Variants in SLC9C1 observed in about 807,000 individuals in gnomAD.
SLC9C1 encodes sodium/hydrogen exchanger 10.
SLC9C1 carries 97 observed loss-of-function variants against 140.9 expected under a neutral mutation model. The observed-to-expected ratio is 0.69, with a 90% CI of 0.58 to 0.82. The LOEUF is 0.82. SLC9C1 is among the 40% of genes least tolerant of loss of function. The pLI is 0.00. For synonymous variants in SLC9C1, 440 were observed against 442.6 expected (o/e 0.99, Z 0.07); for missense variants, 1,340 against 1,389.3 (o/e 0.96, Z 0.56).
rs139685362 is a variant in SLC9C1 at position 112,251,420 on chromosome 3, G to C, written c.1198-7344C>G. Among the ~76,000 whole-genome samples, 153 of 152,178 alleles carry C rather than the reference G, an allele frequency of 1.0e-3. 3 individuals are homozygous for C. In the East Asian group the frequency reaches 0.013, roughly 13 times the overall value. On this transcript the variant is annotated intron_variant, in intron 10 of 28. Coordinates refer to ENST00000305815, the MANE Select transcript of SLC9C1 (RefSeq NM_183061.3). ...ATCAAGGCCTTCAGTCTAACATGGA[G>C]TCTTAGCAGAGCAGCCATCCAAGCA... is the stretch of plus-strand genomic sequence containing the variant.
chr3:112,269,933 T>C lies in SLC9C1; in HGVS notation c.758A>G (p.Tyr253Cys), dbSNP rs984748347. The stretch of plus-strand genomic sequence containing the variant: ...TCACTTACAAATATAAAAGATGAGA[T>C]ACAGAATTGAAAAGATGAGACTTAT... ...NHISLIFSILYLIFYICELVG... is the reference protein window; with the variant it reads ...NHISLIFSILCLIFYICELVG... Residue 253 changes from tyrosine to cysteine, a missense_variant, in exon 7 of 29, where the codon TAT becomes TGT. Coordinates refer to ENST00000305815, the MANE Select transcript of SLC9C1 (RefSeq NM_183061.3). 6.4e-7 allele frequency: 1 copy of C among 1,560,082 alleles called. No homozygotes were observed.
chr3:112,219,370 A>C (rs1027420447), intron 14 of SLC9C1, among the ~76,000 whole-genome samples: 2 of 152,212 alleles, frequency 1.3e-5, no homozygotes, highest in Non-Finnish European at 2.9e-5. Flanking sequence ...CCATTTTGCT[A>C]ATATTAATAT....
intron 28 of SLC9C1, among the ~76,000 whole-genome samples, chr3:112,149,231 G>T (rs937951836): frequency 1.3e-5 from 2 of 151,960 alleles, no homozygotes; most frequent in Middle Eastern, 3.4e-3. Context: ...AGATCTGCCT[G>T]GTCATGGAGC....
rs2077513338 is a variant in SLC9C1, at chr3:112,185,351, A to G, written c.2524-3093T>C. On this transcript the variant is annotated intron_variant, in intron 20 of 28. Coordinates refer to ENST00000305815, the MANE Select transcript of SLC9C1 (RefSeq NM_183061.3). ...GAAAAAAGTCGTGTAAAAAAAAAAT[A>G]ATAAAAGGTCTCAGCTCCAGGTCAT... The G allele has an allele frequency of 4.5e-6, 3 of 660,910 alleles. No homozygotes were observed. The South Asian group carries it at 6.0e-5, about 13-fold the overall frequency. 40.9% of individuals were successfully genotyped at this position (660,910 alleles called of 1,614,324 possible).
At chr3:112,236,180 T>C (rs571450582) in intron 12 of SLC9C1, among the ~76,000 whole-genome samples, 9 of 152,344 alleles carry the variant, frequency 5.9e-5, no homozygotes, top group African/African-American at 2.2e-4. Context: ...ATTTAACTTC[T>C]TCCTGGTTTA....
intron 3 of SLC9C1, 24 bp downstream of exon 3, chr3:112,280,659 A>G (rs778964616): frequency 1.3e-6 from 2 of 1,561,304 alleles, no homozygotes; most frequent in South Asian, 2.4e-5. Flanking sequence ...TAAATAGTGT[A>G]AAATACTCAT....
At chr3:112,177,258 C>T (rs1411175259) in intron 23 of SLC9C1, among the ~76,000 whole-genome samples, 1 of 151,906 alleles carries the variant, frequency 6.6e-6, no homozygotes, top group Non-Finnish European at 1.5e-5. Context: ...CCACCAGCCT[C>T]AACCTACCAA....
intron 13 of SLC9C1, among the ~76,000 whole-genome samples, chr3:112,224,811 GAGAA>G (rs915184333): frequency 1.8e-4 from 27 of 151,782 alleles, no homozygotes; most frequent in Non-Finnish European, 2.9e-4. Flanking sequence ...AGAAAAAAGA[GAGAA>G]AGAGAGAAAG....
intron 3 of SLC9C1, 114 bp downstream of exon 3, chr3:112,280,569 T>A (rs1349348394): frequency 6.0e-6 from 5 of 838,038 alleles, no homozygotes; most frequent in Non-Finnish European, 9.1e-6. Context: ...CACAATCATC[T>A]ATCAACTGGC....
chr3:112,163,616 A>T (rs1268957244), intron 26 of SLC9C1, among the ~76,000 whole-genome samples: 3 of 151,722 alleles, frequency 2.0e-5, no homozygotes, highest in Non-Finnish European at 4.4e-5. Context: ...TTCTAGTTTG[A>T]TTGCACTGTG....
chr3:112,213,026 G>A (rs1261802776), intron 15 of SLC9C1, among the ~76,000 whole-genome samples: 1 of 152,152 alleles, frequency 6.6e-6, no homozygotes, highest in Non-Finnish European at 1.5e-5. Flanking sequence ...AACTCTACAA[G>A]GCAGAAGACA....
chr3:112,150,732 G>C (rs753165944), intron 28 of SLC9C1, among the ~76,000 whole-genome samples: 1 of 135,802 alleles, frequency 7.4e-6, no homozygotes, highest in Non-Finnish European at 1.6e-5. Context: ...TGGCATGGAA[G>C]AAATATATAT....
chr3:112,169,115 ATATT>A (rs2077196832), intron 24 of SLC9C1, 53 bp from the exon 25 acceptor site: 1 of 1,572,376 alleles, frequency 6.4e-7, no homozygotes, highest in Admixed American at 1.9e-5. Context: ...AGTTCAGTAT[ATATT>A]CATAAATAGT....
In SLC9C1 at chr3:112,220,579, A is replaced by G. The variant is rs1420728205; in HGVS notation, c.1670+549T>C. On this transcript the variant is annotated intron_variant, in intron 14 of 28. Transcript: ENST00000305815. ...GCAGTTTAACCCCCCTCTTTGCCCA[A>G]TCATAGATCCAGCATTCCTCCACAG... Among the ~76,000 whole-genome samples the G allele has an allele frequency of 2.0e-5, 3 of 152,340 alleles. 1 individual carries two copies. Among genetic ancestry groups the G allele is most frequent in the Middle Eastern group, 3.4e-3 (1 of 294 alleles).
chr3:112,243,367 C>A (rs1009458453), intron 11 of SLC9C1, among the ~76,000 whole-genome samples: 3 of 152,176 alleles, frequency 2.0e-5, no homozygotes, highest in Non-Finnish European at 4.4e-5. Context: ...TTTGCCGCAA[C>A]ATGGATAAAG....
chr3:112,236,146 A>G (rs1467978875), intron 12 of SLC9C1, among the ~76,000 whole-genome samples: 2 of 152,020 alleles, frequency 1.3e-5, no homozygotes, highest in Non-Finnish European at 2.9e-5. Context: ...TCCATTTCAG[A>G]GCCTGTTATT....
intron 22 of SLC9C1, among the ~76,000 whole-genome samples, chr3:112,180,183 C>A (rs2077412190): frequency 6.6e-6 from 1 of 152,140 alleles, no homozygotes; most frequent in African/African-American, 2.4e-5. Context: ...TTATCAATTT[C>A]ATAAAGTTTT....
intron 2 of SLC9C1, among the ~76,000 whole-genome samples, chr3:112,283,683 C>T (rs1378221141): frequency 6.6e-6 from 1 of 151,870 alleles, no homozygotes; most frequent in African/African-American, 2.4e-5. Context: ...TAGATACAGG[C>T]AGTCCTTGCT....
intron 15 of SLC9C1, among the ~76,000 whole-genome samples, chr3:112,212,303 C>T (rs371213645): frequency 6.6e-6 from 1 of 152,200 alleles, no homozygotes. Flanking sequence ...GAGCACCTCT[C>T]CCCCTCCAAA....
Sources: allele counts gnomAD v4.1 joint callset (sites outside exome capture counted in the v4.1 genomes callset), GRCh38; gene constraint gnomAD v4.1.1; transcripts MANE v1.5; gene names NCBI Gene and HGNC (gene_info 2026-07-23, HGNC 2026-07-21).